Variants in CCSER1 observed in about 807,000 individuals in gnomAD.
The protein encoded by CCSER1 is coiled-coil serine rich protein 1, also known as serine-rich coiled-coil domain-containing protein 1.
A neutral mutation model predicts 82.0 loss-of-function variants in CCSER1; 41 were observed. The observed-to-expected ratio is 0.50, with a 90% CI of 0.39 to 0.65. The LOEUF (loss-of-function observed/expected upper bound fraction) is 0.65, where lower values mean the gene tolerates loss of function less well. CCSER1 is among the 30% of genes least tolerant of loss of function. The probability of loss-of-function intolerance (pLI) is 0.00; values close to 1 mark genes in which losing one functional copy is unlikely to be tolerated. For synonymous variants in CCSER1, 414 were observed against 383.9 expected, an observed-to-expected ratio of 1.08 and a Z score of -0.92; for missense variants, 1,119 against 1,064.2, an observed-to-expected ratio of 1.05 and a Z score of -0.72.
At chr4:90,879,079 A>G (rs1279910935) in intron 8 of CCSER1, among the ~76,000 whole-genome samples, 3 of 152,190 alleles carry the variant, frequency 2.0e-5, no homozygotes, top group Admixed American at 6.5e-5. Flanking sequence ...TTGTTTGAGC[A>G]TTCAGTGTGT....
At chr4:90,785,692 A>G (rs755068067) in intron 7 of CCSER1, among the ~76,000 whole-genome samples, 3 of 151,260 alleles carry the variant, frequency 2.0e-5, no homozygotes, top group Non-Finnish European at 4.4e-5. Context: ...AATTAAAACT[A>G]TACGTTTAAT....
At chr4:91,294,509 C>T (rs1037947939) in intron 10 of CCSER1, among the ~76,000 whole-genome samples, 3 of 151,770 alleles carry the variant, frequency 2.0e-5, no homozygotes, top group Non-Finnish European at 4.4e-5. Context: ...TAAAACAACA[C>T]AAATACATTC....
chr4:90,449,026 C>G (rs1761081248), intron 4 of CCSER1, among the ~76,000 whole-genome samples: 1 of 152,188 alleles, frequency 6.6e-6, no homozygotes, highest in Admixed American at 6.5e-5. Context: ...CTCATTTCTG[C>G]AGGCAGATTG....
At chr4:91,241,474 A>C (rs1187203867) in intron 10 of CCSER1, among the ~76,000 whole-genome samples, 1 of 147,826 alleles carries the variant, frequency 6.8e-6, no homozygotes, top group Non-Finnish European at 1.5e-5. Context: ...TACATACGCC[A>C]GCCACCACGC....
chr4:90,652,470 G>C (rs1271009247), intron 6 of CCSER1, among the ~76,000 whole-genome samples: 1 of 152,128 alleles, frequency 6.6e-6, no homozygotes, highest in Non-Finnish European at 1.5e-5. Context: ...GCATGTGTTG[G>C]AGCTGAGAAA....
intron 10 of CCSER1, among the ~76,000 whole-genome samples, chr4:91,521,535 C>G (rs1578685695): frequency 6.6e-6 from 1 of 152,136 alleles, no homozygotes; most frequent in Non-Finnish European, 1.5e-5. Flanking sequence ...ATCCTCTCCA[C>G]CATCTGTTGT....
chr4:90,571,711 A>G (rs1780137347), intron 5 of CCSER1, among the ~76,000 whole-genome samples: 2 of 152,186 alleles, frequency 1.3e-5, no homozygotes, highest in African/African-American at 2.4e-5. Context: ...ATATACCCTT[A>G]TAACAAACTG....
chr4:90,926,614 A>G lies in CCSER1; in HGVS notation c.2172+3167A>G, dbSNP rs141351801. 5.1e-4 allele frequency among the ~76,000 whole-genome samples: 77 copies of G among 152,158 alleles called. 1 individual carries two copies. The East Asian group carries it at 0.015, about 29-fold the overall frequency. ...AGATTTGTCAGGAGACATGAAACTA[A>G]TGTTAGTTTACAATGTGCTCTGACT... On this transcript the variant is annotated intron_variant, in intron 9 of 10. Transcript: ENST00000509176.
chr4:90,458,053 A>G (rs1578565550), intron 4 of CCSER1, among the ~76,000 whole-genome samples: 1 of 152,090 alleles, frequency 6.6e-6, no homozygotes, highest in South Asian at 2.1e-4. Context: ...CTGTGCTCCA[A>G]AATTGGAGAG....
intron 3 of CCSER1, among the ~76,000 whole-genome samples, chr4:90,347,374 A>G (rs1742561734): frequency 6.7e-6 from 1 of 150,176 alleles, no homozygotes; most frequent in Non-Finnish European, 1.5e-5. Flanking sequence ...GTAGAATAGA[A>G]TGAGCTTTTT....
intron 5 of CCSER1, among the ~76,000 whole-genome samples, chr4:90,522,111 C>T (rs894730892): frequency 3.0e-4 from 45 of 152,124 alleles, no homozygotes; most frequent in Admixed American, 7.2e-4. Flanking sequence ...CATTGAGTTT[C>T]AGAACTTTAT....
chr4:90,413,275 A>G (rs2153556323), intron 4 of CCSER1, among the ~76,000 whole-genome samples: 1 of 152,344 alleles, frequency 6.6e-6, no homozygotes, highest in African/African-American at 2.4e-5. Context: ...GGTAAACTAC[A>G]AACAGTGCTG....
chr4:90,394,876 T>A (rs989111553), intron 3 of CCSER1, among the ~76,000 whole-genome samples: 1 of 152,210 alleles, frequency 6.6e-6, no homozygotes, highest in Admixed American at 6.5e-5. Context: ...GAATAAATCA[T>A]ATTTGTCTTC....
At chr4:90,872,453 G>A (rs1250200998) in intron 8 of CCSER1, among the ~76,000 whole-genome samples, 4 of 151,750 alleles carry the variant, frequency 2.6e-5, no homozygotes, top group Admixed American at 2.6e-4. Context: ...AACACTGATT[G>A]CATAAACAAC....
At chr4:90,535,337 C>G (rs1775181770) in intron 5 of CCSER1, among the ~76,000 whole-genome samples, 1 of 151,992 alleles carries the variant, frequency 6.6e-6, no homozygotes, top group Non-Finnish European at 1.5e-5. Context: ...GTAATCCCAG[C>G]TCTTGGGGAG....
At chr4:90,322,243 C>G (rs1737287612) in intron 3 of CCSER1, among the ~76,000 whole-genome samples, 1 of 152,114 alleles carries the variant, frequency 6.6e-6, no homozygotes, top group Non-Finnish European at 1.5e-5. Context: ...TCTGTCCTTT[C>G]CTCCATGTAT....
intron 6 of CCSER1, among the ~76,000 whole-genome samples, chr4:90,651,381 C>T (rs1728710798): frequency 6.6e-6 from 1 of 152,108 alleles, no homozygotes; most frequent in African/African-American, 2.4e-5. Context: ...AGTTCATGTC[C>T]TTTGCCAGGG....
chr4:90,164,209 T>G (rs973319647), intron 1 of CCSER1, among the ~76,000 whole-genome samples: 1 of 152,142 alleles, frequency 6.6e-6, no homozygotes. Context: ...AAGGGTTTTT[T>G]TTCAAATCAT....
rs1318348437 is a variant in CCSER1 at position 91,604,206 on chromosome 4, T to G, written c.*5149T>G. The G allele has an allele frequency of 6.6e-6, 1 of 152,098 alleles. No individual in the cohort carries two copies. The highest frequency in any genetic ancestry group is 1.9e-4 in the East Asian group (1 of 5,192). 9.4% of individuals were successfully genotyped at this position (152,098 alleles called of 1,614,324 possible). A position where few individuals can be genotyped will look rare whatever the true frequency, so the allele number is the denominator to read the frequency against. ...AAATTGGATTTAATAACCCTTGAAC[T>G]TTCCATTTATATCATGCTTATCTCC... On this transcript the variant is annotated 3_prime_UTR_variant, in exon 11 of 11. Transcript: ENST00000509176.
Sources: gnomAD v4.1 joint callset for allele counts (sites outside exome capture counted in the v4.1 genomes callset) on GRCh38, gnomAD v4.1.1 for gene constraint, MANE v1.5 for transcripts, NCBI Gene and HGNC (gene_info 2026-07-23, HGNC 2026-07-21) for gene names.